ADGRD1: variants seen among roughly 807,000 people sequenced by gnomAD.
ADGRD1 encodes the protein adhesion G protein-coupled receptor D1, also known as G-protein coupled receptor 133.
In ADGRD1, 77 loss-of-function variants were observed where a neutral mutation model predicts 113.4. The observed-to-expected ratio is 0.68, with a 90% CI of 0.57 to 0.82. The LOEUF is 0.82. Ranked by LOEUF, ADGRD1 falls within the 40% of genes least tolerant of loss-of-function variation. The pLI, the probability that ADGRD1 is intolerant of heterozygous loss-of-function variation, is 0.00. For missense variants in ADGRD1, 1,036 were observed against 1,139.1 expected (o/e 0.91, Z 1.30); for synonymous variants, 474 against 475.0 (o/e 1.00, Z 0.03).
intron 18 of ADGRD1, among the ~76,000 whole-genome samples, chr12:131,112,862 G>A (rs1381331354): frequency 6.6e-6 from 1 of 152,254 alleles, no homozygotes; most frequent in African/African-American, 2.4e-5. Flanking sequence ...GATGAGGGCA[G>A]TGAGGCCCCA....
intron 18 of ADGRD1, among the ~76,000 whole-genome samples, chr12:131,116,679 T>C (rs191923608): frequency 6.6e-6 from 1 of 152,290 alleles, no homozygotes; most frequent in Admixed American, 6.5e-5. Context: ...CACCCTGCTA[T>C]CCCAGGGATC....
chr12:131,036,638 T>C (rs543806254), intron 13 of ADGRD1, among the ~76,000 whole-genome samples: 5 of 139,488 alleles, frequency 3.6e-5, no homozygotes, highest in Admixed American at 2.1e-4. Flanking sequence ...CCTCACTCAC[T>C]GCACGGGGCC....
chr12:131,071,408 G>A (rs993274726), intron 13 of ADGRD1, among the ~76,000 whole-genome samples: 1 of 152,178 alleles, frequency 6.6e-6, no homozygotes, highest in African/African-American at 2.4e-5. Flanking sequence ...AAGTGAGTGG[G>A]GCGAGGCCAC....
intron 20 of ADGRD1, among the ~76,000 whole-genome samples, chr12:131,128,132 G>A (rs1950793788): frequency 6.9e-6 from 1 of 145,948 alleles, no homozygotes; most frequent in African/African-American, 2.6e-5. Context: ...GTGTTTGACT[G>A]TGTTGGTTGT....
At chr12:131,016,124 T>G (rs1464413425) in intron 13 of ADGRD1, among the ~76,000 whole-genome samples, 1 of 152,224 alleles carries the variant, frequency 6.6e-6, no homozygotes, top group Non-Finnish European at 1.5e-5. Context: ...CCTTCTCTCC[T>G]CCAAGCCCTC....
At chr12:131,000,002 T>G (rs1478777448) in intron 8 of ADGRD1, among the ~76,000 whole-genome samples, 1 of 152,158 alleles carries the variant, frequency 6.6e-6, no homozygotes, top group Non-Finnish European at 1.5e-5. Flanking sequence ...TCAGTTTGGT[T>G]TCTCGCCCCA....
chr12:131,107,402 G>T (rs35250304), intron 17 of ADGRD1, among the ~76,000 whole-genome samples: 1 of 64,254 alleles, frequency 1.6e-5, no homozygotes, highest in Admixed American at 1.8e-4. Flanking sequence ...TGTCTAAATC[G>T]CAGGGAAGGG....
In ADGRD1 at chr12:130,969,259, T is replaced by C. The variant is rs1365538333; in HGVS notation, c.188-2199T>C. ...CACTAGGGTTAAGTCTAAAGGAAGA[T>C]TGCAATACATTAGAACAGGGGTCCC... On this transcript the variant is annotated intron_variant, in intron 3 of 24. Coordinates refer to ENST00000261654, the MANE Select transcript of ADGRD1 (RefSeq NM_198827.5). 5.2e-6 allele frequency: 3 copies of C among 572,820 alleles called. No individual in the cohort carries two copies. In the East Asian group the frequency reaches 9.1e-5, roughly 17 times the overall value. The allele number at this position is 572,820 out of a possible 1,614,324, so 35.5% of individuals were successfully genotyped here.
chr12:130,994,868 T>C (rs1875026750), intron 8 of ADGRD1, among the ~76,000 whole-genome samples: 1 of 152,182 alleles, frequency 6.6e-6, no homozygotes, highest in Admixed American at 6.5e-5. Flanking sequence ...GCCAGGGGCA[T>C]GTCCAGTTAG....
chr12:131,049,561 C>T (rs1447154447), intron 13 of ADGRD1, among the ~76,000 whole-genome samples: 3 of 152,214 alleles, frequency 2.0e-5, no homozygotes, highest in Non-Finnish European at 4.4e-5. Context: ...GTGCACCACC[C>T]AGAGTGACCT....
At position 130,975,378 on chromosome 12, in the gene ADGRD1, G is replaced by A. The variant is rs377165026; in HGVS notation, c.310+3798G>A. 1.2e-4 allele frequency among the ~76,000 whole-genome samples: 19 copies of A among 152,298 alleles called. No individual in the cohort carries two copies. The East Asian group carries it at 3.7e-3, about 29-fold the overall frequency. The stretch of plus-strand genomic sequence containing the variant: ...GACTGAGTCTGCCTTGGCCAGTGAT[G>A]AGTTCTCAGTGCCTGGCACACCATA... On this transcript the variant is annotated intron_variant, in intron 4 of 24. Transcript: ENST00000261654.
rs144002405 is a variant in ADGRD1 at position 131,089,502 on chromosome 12, G to A, written c.1671+4839G>A. Among the ~76,000 whole-genome samples, 523 of 152,278 alleles carry A rather than the reference G, an allele frequency of 3.4e-3. 1 individual carries two copies. The highest frequency in any genetic ancestry group is 0.012 in the African/African-American group (493 of 41,546). On this transcript the variant is annotated intron_variant, in intron 15 of 24. Transcript: ENST00000261654. Reference sequence around the variant, plus strand: ...GACAGTAACAGGCACCATTTCAGATGCTCCCTGCCTGTAGATGCTCTTAAC... The same window carrying A: ...GACAGTAACAGGCACCATTTCAGATACTCCCTGCCTGTAGATGCTCTTAAC...
chr12:131,045,945 T>TGGTGCTCCCTCCCTGGTC (rs1882660657), intron 13 of ADGRD1, among the ~76,000 whole-genome samples: 1 of 151,060 alleles, frequency 6.6e-6, no homozygotes, highest in African/African-American at 2.4e-5. Context: ...CCGCCCTGGT[T>TGGTGCTCCCTCCCTGGTC]GGTGCTCCCT....
intron 15 of ADGRD1, among the ~76,000 whole-genome samples, chr12:131,094,919 G>T (rs1007500663): frequency 1.3e-5 from 2 of 152,148 alleles, no homozygotes; most frequent in Non-Finnish European, 2.9e-5. Flanking sequence ...CGGGGGAGGC[G>T]CAGGGGCATG....
intron 2 of ADGRD1, among the ~76,000 whole-genome samples, chr12:130,960,676 CAT>C (rs1487798337): frequency 2.6e-4 from 37 of 142,158 alleles, no homozygotes; most frequent in African/African-American, 9.5e-4. Flanking sequence ...CACACACACA[CAT>C]ACACACACAC....
intron 15 of ADGRD1, among the ~76,000 whole-genome samples, chr12:131,088,579 G>A (rs1484116637): frequency 6.6e-6 from 1 of 152,186 alleles, no homozygotes; most frequent in Admixed American, 6.5e-5. Flanking sequence ...ACAGGGTGGG[G>A]ACGGAGGGCA....
In ADGRD1 at chr12:131,075,294, C is replaced by T. The variant is rs754830627; in HGVS notation, c.1474-1507C>T. 1.3e-5 allele frequency among the ~76,000 whole-genome samples: 2 copies of T among 151,622 alleles called. No individual in the cohort carries two copies. Among genetic ancestry groups the T allele is most frequent in the Admixed American group, 6.6e-5 (1 of 15,218 alleles). ...CCTCCGAGAACCAGGCTGTGGCCAC[C>T]AGGTTTTTGTTCATCTTTTCTATTA... On this transcript the variant is annotated intron_variant, in intron 13 of 24. Coordinates refer to ENST00000261654, the MANE Select transcript of ADGRD1 (RefSeq NM_198827.5). The surrounding 1 kb of genome is among the most constrained non-coding windows in gnomAD (Gnocchi z 5.3).
intron 13 of ADGRD1, chr12:131,035,483 A>C (rs1881276517): frequency 1.3e-5 from 2 of 152,272 alleles, no homozygotes; most frequent in South Asian, 4.1e-4. Context: ...TCTGACTGCA[A>C]GTGCGACTTC....
intron 19 of ADGRD1, among the ~76,000 whole-genome samples, chr12:131,119,775 T>C (rs1950548277): frequency 6.6e-6 from 1 of 152,218 alleles, no homozygotes; most frequent in Non-Finnish European, 1.5e-5. Flanking sequence ...GCATTTTCCT[T>C]TTAAACAGTG....
Sources: gnomAD v4.1 joint callset for allele counts (sites outside exome capture counted in the v4.1 genomes callset) on GRCh38, gnomAD v4.1.1 for gene constraint, Gnocchi (gnomAD v3.1) non-coding constraint, MANE v1.5 for transcripts, NCBI Gene and HGNC (gene_info 2026-07-23, HGNC 2026-07-21) for gene names.